FGF14: variants seen among roughly 807,000 people sequenced by gnomAD.
The protein encoded by FGF14 is fibroblast growth factor homologous factor 4.
A neutral mutation model predicts 25.5 loss-of-function variants in FGF14; 5 were observed. That is an observed-to-expected ratio of 0.20 (90% CI 0.10 to 0.41). The LOEUF (loss-of-function observed/expected upper bound fraction) is 0.41. Ranked by LOEUF, FGF14 falls within the 10% of genes least tolerant of loss-of-function variation. FGF14 has a pLI of 1.00. For missense variants in FGF14, 222 were observed against 320.1 expected (o/e 0.69, Z 2.34); for synonymous variants, 138 against 118.3 (o/e 1.17, Z -1.08).
At chr13:102,191,576 T>C (rs1003425197) in intron 1 of FGF14, among the ~76,000 whole-genome samples, 1 of 152,146 alleles carries the variant, frequency 6.6e-6, no homozygotes, top group African/African-American at 2.4e-5. Flanking sequence ...CATCTCTGAA[T>C]ATCATCATAT....
intron 1 of FGF14, among the ~76,000 whole-genome samples, chr13:102,088,816 T>G (rs777870237): frequency 1.1e-4 from 17 of 152,132 alleles, no homozygotes; most frequent in Non-Finnish European, 2.2e-4. Context: ...AGAAAATGCT[T>G]GCCGTAGGTC....
At chr13:101,944,294 T>A (rs192718120) in intron 1 of FGF14, among the ~76,000 whole-genome samples, 102 of 152,320 alleles carry the variant, frequency 6.7e-4, no homozygotes, top group African/African-American at 2.3e-3. Context: ...ATCATTGTAA[T>A]GTTTGTCACA....
At chr13:102,137,759 A>G (rs958837356) in intron 1 of FGF14, among the ~76,000 whole-genome samples, 2 of 151,990 alleles carry the variant, frequency 1.3e-5, no homozygotes, top group Non-Finnish European at 2.9e-5. Context: ...ATCTTGTACT[A>G]TTGTGTTATT....
At chr13:102,088,381 T>A (rs994337193) in intron 1 of FGF14, among the ~76,000 whole-genome samples, 2 of 152,140 alleles carry the variant, frequency 1.3e-5, no homozygotes, top group Admixed American at 6.5e-5. Context: ...TGAAAATGAA[T>A]CTTAAAGTGT....
intron 1 of FGF14, among the ~76,000 whole-genome samples, chr13:102,176,911 G>C (rs1267706379): frequency 6.6e-6 from 1 of 152,036 alleles, no homozygotes; most frequent in Non-Finnish European, 1.5e-5. Flanking sequence ...AAAAATACTT[G>C]CACAAACCTG....
At chr13:102,122,969 T>C (rs1443582874) in intron 1 of FGF14, among the ~76,000 whole-genome samples, 1 of 152,124 alleles carries the variant, frequency 6.6e-6, no homozygotes, top group Non-Finnish European at 1.5e-5. Context: ...ACCTACCAAA[T>C]GCTGCCAAGT....
chr13:102,366,923 T>C lies in FGF14; in HGVS notation c.208+34548A>G, dbSNP rs1176640585. Among the ~76,000 whole-genome samples the C allele has an allele frequency of 2.0e-5, 3 of 152,174 alleles. No individual in the cohort carries two copies. The East Asian group carries it at 5.8e-4, about 29-fold the overall frequency. On this transcript the variant is annotated intron_variant, in intron 1 of 4. Coordinates refer to the FGF14 transcript ENST00000376131. ...AATAATAAGATGTATTTAACTAAAATTTAATAACATTGTGTGGCAATTACT... is the reference window on the plus strand; with the variant it reads ...AATAATAAGATGTATTTAACTAAAACTTAATAACATTGTGTGGCAATTACT...
intron 3 of FGF14, among the ~76,000 whole-genome samples, chr13:101,730,061 G>T (rs960156816): frequency 4.6e-5 from 7 of 152,256 alleles, no homozygotes; most frequent in South Asian, 4.1e-4. Flanking sequence ...AGATAGGTTT[G>T]AGAAACATAA....
chr13:101,955,111 G>A (rs1015984720), intron 1 of FGF14, among the ~76,000 whole-genome samples: 20 of 152,170 alleles, frequency 1.3e-4, no homozygotes, highest in Admixed American at 2.0e-4. Context: ...GTGGATGGGC[G>A]CATTCCCAGC....
chr13:102,045,554 A>G (rs1349255133), intron 1 of FGF14, among the ~76,000 whole-genome samples: 1 of 152,150 alleles, frequency 6.6e-6, no homozygotes, highest in Non-Finnish European at 1.5e-5. Flanking sequence ...ACAAGCTAGA[A>G]AAAAAATTAA....
At chr13:102,249,940 T>C (rs2052085308) in intron 1 of FGF14, among the ~76,000 whole-genome samples, 1 of 152,092 alleles carries the variant, frequency 6.6e-6, no homozygotes, top group South Asian at 2.1e-4. Flanking sequence ...CTATGCTCTC[T>C]GACAGTGGAC....
At chr13:101,783,151 T>C (rs889780853) in intron 3 of FGF14, among the ~76,000 whole-genome samples, 8 of 152,150 alleles carry the variant, frequency 5.3e-5, no homozygotes, top group African/African-American at 1.7e-4. Context: ...TTTTTTCATA[T>C]GATTGTTGGT....
chr13:101,896,047 C>G (rs2030613698), intron 1 of FGF14, among the ~76,000 whole-genome samples: 1 of 152,106 alleles, frequency 6.6e-6, no homozygotes, highest in Non-Finnish European at 1.5e-5. Flanking sequence ...TGATACTGCA[C>G]AAAGATATAC....
At chr13:101,751,928 AAAAC>A (rs1323085123) in intron 3 of FGF14, among the ~76,000 whole-genome samples, 13 of 152,230 alleles carry the variant, frequency 8.5e-5, no homozygotes, top group South Asian at 6.2e-4. Flanking sequence ...AAACAAAACA[AAAAC>A]AAACAAACAA....
chr13:102,371,553 CTT>C (rs953059069), intron 1 of FGF14, among the ~76,000 whole-genome samples: 14 of 152,100 alleles, frequency 9.2e-5, no homozygotes, highest in African/African-American at 3.4e-4. Context: ...TGTTATAGCT[CTT>C]GTCACGTTGC....
intron 1 of FGF14, among the ~76,000 whole-genome samples, chr13:102,285,065 C>G (rs968955812): frequency 6.6e-6 from 1 of 152,104 alleles, no homozygotes; most frequent in Non-Finnish European, 1.5e-5. Context: ...TGGAGGACTC[C>G]ATGACTGAAC....
At chr13:102,165,665 TG>T (rs71125051) in intron 1 of FGF14, among the ~76,000 whole-genome samples, 2 of 97,098 alleles carry the variant, frequency 2.1e-5, no homozygotes, top group African/African-American at 8.2e-5. Flanking sequence ...GGGCCTGTTG[TG>T]GGTGGGGGGA....
rs527837688 is a variant in FGF14 at position 102,057,016 on chromosome 13, CATTTT to C, written c.209-181725_209-181721del. Among the ~76,000 whole-genome samples, 10 of 151,726 alleles carry C rather than the reference CATTTT, an allele frequency of 6.6e-5. No homozygotes were observed. The South Asian group carries it at 8.3e-4, about 13-fold the overall frequency. ...ATTTTATACAATTTGAATCCAATTACATTTTATTTCTGAATTCTTTAGATCATTGC... is the reference window on the plus strand; with the variant it reads ...ATTTTATACAATTTGAATCCAATTACATTTCTGAATTCTTTAGATCATTGC... On this transcript the variant is annotated intron_variant, in intron 1 of 4. Coordinates refer to the FGF14 transcript ENST00000376131.
In FGF14 at chr13:102,139,144, A is replaced by C. The variant is rs898375455; in HGVS notation, c.208+262327T>G. Among the ~76,000 whole-genome samples, 4 of 152,214 alleles carry C rather than the reference A, an allele frequency of 2.6e-5. No homozygotes were observed. In the South Asian group the frequency reaches 8.3e-4, roughly 32 times the overall value. ...AGATAGTATAATCCCTGTGATCAAC[A>C]GATCTGAGTGTGAATCTTGGGTCTT... On this transcript the variant is annotated intron_variant, in intron 1 of 4. Coordinates refer to the FGF14 transcript ENST00000376131.
Sources: allele counts gnomAD v4.1 joint callset (sites outside exome capture counted in the v4.1 genomes callset), GRCh38; gene constraint gnomAD v4.1.1; transcripts MANE v1.5; gene names NCBI Gene and HGNC (gene_info 2026-07-23, HGNC 2026-07-21).